SMIM36: variants seen among roughly 807,000 people sequenced by gnomAD.
SMIM36 encodes small integral membrane protein 36.
chr17:55,479,309 G>A (rs113338268), intron 2 of SMIM36, among the ~76,000 whole-genome samples, 151 bp downstream of exon 2: 32 of 152,336 alleles, frequency 2.1e-4, no homozygotes, highest in African/African-American at 7.2e-4. Context: ...GTGCAGCCCC[G>A]TGTGGTGGCT....
At chr17:55,500,983 T>C (rs1183039016) in intron 1 of SMIM36, among the ~76,000 whole-genome samples, 1 of 46,610 alleles carries the variant, frequency 2.1e-5, no homozygotes, top group Non-Finnish European at 3.7e-5. Context: ...TTATAATATA[T>C]TATATATTAT....
chr17:55,455,367 C>T lies in SMIM36; in HGVS notation c.*532-5069G>A, dbSNP rs1024793320. ...CTATTCCTCTCCCACCACCCCCACG[C>T]TGCCCCCCTCCCCACACTGTTGTTC... On this transcript the variant is annotated intron_variant, in intron 4 of 4. Coordinates refer to ENST00000636752, the Ensembl canonical transcript of SMIM36. 1.3e-4 allele frequency among the ~76,000 whole-genome samples: 19 copies of T among 151,034 alleles called. 1 individual carries two copies. The highest frequency in any genetic ancestry group is 1.2e-3 in the Admixed American group (18 of 15,150).
At chr17:55,454,008 A>C (rs1382142662) in intron 4 of SMIM36, 2 of 152,344 alleles carry the variant, frequency 1.3e-5, no homozygotes, top group East Asian at 3.9e-4. Flanking sequence ...GAAGGGGATC[A>C]GGGCAAGTTA....
chr17:55,496,910 T>C (rs759097508), intron 1 of SMIM36, among the ~76,000 whole-genome samples: 1 of 152,178 alleles, frequency 6.6e-6, no homozygotes, highest in African/African-American at 2.4e-5. Context: ...CATGACAGTC[T>C]CAAACTCCCT....
chr17:55,499,353 A>T (rs1909869398), intron 1 of SMIM36, among the ~76,000 whole-genome samples: 1 of 152,104 alleles, frequency 6.6e-6, no homozygotes, highest in Non-Finnish European at 1.5e-5. Flanking sequence ...GAAAAAACAG[A>T]TGGTAGGAGG....
chr17:55,465,868 T>C (rs887172578), intron 4 of SMIM36, among the ~76,000 whole-genome samples: 7 of 152,150 alleles, frequency 4.6e-5, no homozygotes, highest in Non-Finnish European at 1.0e-4. Context: ...ATGAAGCCAG[T>C]CTCTGCATAG....
intron 1 of SMIM36, among the ~76,000 whole-genome samples, chr17:55,494,676 G>A (rs780994309): frequency 6.6e-6 from 1 of 151,946 alleles, no homozygotes; most frequent in Non-Finnish European, 1.5e-5. Context: ...TGTATATTTT[G>A]TTTGAACACA....
chr17:55,509,059 G>T (rs1377442105), intron 1 of SMIM36, among the ~76,000 whole-genome samples: 1 of 150,656 alleles, frequency 6.6e-6, no homozygotes, highest in Non-Finnish European at 1.5e-5. Flanking sequence ...GATAAAATAA[G>T]AAACAAATTA....
Position 55,451,513 on chromosome 17 carries a change from T to C in SMIM36, c.*532-1215A>G, listed in dbSNP as rs192088674. 4.6e-5 allele frequency among the ~76,000 whole-genome samples: 7 copies of C among 152,354 alleles called. No individual in the cohort carries two copies. In the East Asian group the frequency reaches 1.2e-3, roughly 25 times the overall value. On this transcript the variant is annotated intron_variant, in intron 4 of 4. Transcript: ENST00000636752. Reference sequence around the variant, plus strand: ...GGCTTTGAAGTGGCTGTTTCCTCCATATGTTTCTTATCACAGGCTGAAACA... The same window carrying C: ...GGCTTTGAAGTGGCTGTTTCCTCCACATGTTTCTTATCACAGGCTGAAACA...
chr17:55,523,693 C>A, the SMIM36 span, among the ~76,000 whole-genome samples: 2 of 152,110 alleles, frequency 1.3e-5, no homozygotes, highest in Non-Finnish European at 2.9e-5. Context: ...TTTAGGGCAC[C>A]TAATATCTGG....
At chr17:55,480,627 T>C (rs150133489) in intron 1 of SMIM36, among the ~76,000 whole-genome samples, 7 of 152,336 alleles carry the variant, frequency 4.6e-5, no homozygotes, top group East Asian at 1.9e-4. Flanking sequence ...AGGATTTCTT[T>C]TGATGTCTAA....
rs1908945283 is a variant in SMIM36, at chr17:55,452,894, G to A, written c.*532-2596C>T. ...TAAAAACCCAACACTTTGATAGAGA[G>A]GGAAGTAAGATGCTCAGTGATCTAA... On this transcript the variant is annotated intron_variant, in intron 4 of 4. Transcript: ENST00000636752. Among the ~76,000 whole-genome samples the A allele has an allele frequency of 2.0e-5, 3 of 152,164 alleles. No homozygotes were observed. The South Asian group carries it at 6.2e-4, about 31-fold the overall frequency.
chr17:55,519,882 G>C, the SMIM36 span, among the ~76,000 whole-genome samples: 2 of 152,194 alleles, frequency 1.3e-5, no homozygotes, highest in South Asian at 4.1e-4. Context: ...TTAAATTGTA[G>C]GTCCTGAAGT....
intron 4 of SMIM36, among the ~76,000 whole-genome samples, chr17:55,455,341 T>A (rs1463542107): frequency 6.6e-6 from 1 of 152,082 alleles, no homozygotes; most frequent in African/African-American, 2.4e-5. Flanking sequence ...TTCATCTCCT[T>A]CTATTCCTCT....
At chr17:55,508,313 G>A (rs1017569550) in intron 1 of SMIM36, among the ~76,000 whole-genome samples, 69 of 151,470 alleles carry the variant, frequency 4.6e-4, no homozygotes, top group African/African-American at 1.6e-3. Context: ...CAATAAAAAG[G>A]TGTCAGTATT....
upstream of SMIM36, among the ~76,000 whole-genome samples, chr17:55,513,696 C>T (rs947133583): frequency 6.6e-6 from 1 of 152,162 alleles, no homozygotes; most frequent in Non-Finnish European, 1.5e-5. Context: ...TATTTGGTGA[C>T]TTTAAATAGA....
chr17:55,509,675 C>T (rs1395670754), intron 1 of SMIM36, among the ~76,000 whole-genome samples: 5 of 152,160 alleles, frequency 3.3e-5, no homozygotes, highest in Non-Finnish European at 5.9e-5. Context: ...TTTATTTCCA[C>T]ACAGGTCCTG....
intron 1 of SMIM36, among the ~76,000 whole-genome samples, chr17:55,501,346 T>C (rs1272887884): frequency 3.5e-5 from 3 of 85,888 alleles, no homozygotes; most frequent in Non-Finnish European, 6.1e-5. Flanking sequence ...ATATTATATA[T>C]TATATTTTAT....
intron 1 of SMIM36, among the ~76,000 whole-genome samples, chr17:55,501,340 T>TATAGAATATAATATATA (rs1909959992): frequency 4.0e-5 from 2 of 50,330 alleles, no homozygotes; most frequent in African/African-American, 1.3e-4. Flanking sequence ...TATAATATAT[T>TATAGAATATAATATATA]ATATATTATA....
Sources: allele counts gnomAD v4.1 joint callset (sites outside exome capture counted in the v4.1 genomes callset), GRCh38; gene constraint gnomAD v4.1.1; transcripts MANE v1.5; gene names NCBI Gene and HGNC (gene_info 2026-07-23, HGNC 2026-07-21).